The following VPS41 variants were observed in gnomAD, a reference collection of about 807,000 sequenced individuals.
VPS41 encodes vacuolar protein sorting-associated protein 41 homolog.
In VPS41, 85 loss-of-function variants were observed where a neutral mutation model predicts 130.9. The ratio of observed to expected loss-of-function variants is 0.65; its 90% CI spans 0.55 to 0.78. VPS41 has a LOEUF of 0.78. VPS41 is among the 30% of genes least tolerant of loss of function. The pLI, the probability that VPS41 is intolerant of heterozygous loss-of-function variation, is 0.00. For synonymous variants in VPS41, 335 were observed against 332.9 expected (o/e 1.01, Z -0.07); for missense variants, 874 against 1,018.7 (o/e 0.86, Z 1.93).
At chr7:38,756,796 T>A (rs1334063351) in intron 19 of VPS41, 42 bp downstream of exon 19, 2 of 1,339,350 alleles carry the variant, frequency 1.5e-6, no homozygotes, top group Non-Finnish European at 2.0e-6. Flanking sequence ...ATATTTGGAA[T>A]AGTAAAAATA....
At chr7:38,731,719 T>C (rs956091202) in intron 25 of VPS41, among the ~76,000 whole-genome samples, 11 of 152,184 alleles carry the variant, frequency 7.2e-5, no homozygotes, top group Non-Finnish European at 1.6e-4. Context: ...TGAGCACTGC[T>C]GCTCTTGATC....
At chr7:38,728,444 A>G (rs772733339) in intron 27 of VPS41, 98 bp downstream of exon 27, 1 of 1,293,620 alleles carries the variant, frequency 7.7e-7, no homozygotes, top group South Asian at 1.2e-5. Flanking sequence ...TCTGAAAGTT[A>G]TATAGTTTTA....
Position 38,725,088 on chromosome 7 carries a change from T to C in VPS41, c.*1158A>G, listed in dbSNP as rs939598969. On this transcript the variant is annotated 3_prime_UTR_variant, in exon 29 of 29. Coordinates refer to ENST00000310301, the MANE Select transcript of VPS41 (RefSeq NM_014396.4). The stretch of plus-strand genomic sequence containing the variant: ...GGCTGGGTGACTTCGGTAGCTGGCA[T>C]GCTGTCAGTACTCACTAGCACCCTG... 1 of 152,252 alleles carries C rather than the reference T, an allele frequency of 6.6e-6. No homozygotes were observed. Among genetic ancestry groups the C allele is most frequent in the African/African-American group, 2.4e-5 (1 of 41,458 alleles). The allele number at this position is 152,252 out of a possible 1,614,324, so 9.4% of individuals were successfully genotyped here. A position where few individuals can be genotyped will look rare whatever the true frequency, so the allele number is the denominator to read the frequency against.
chr7:38,791,630 T>C (rs747253819), intron 9 of VPS41, among the ~76,000 whole-genome samples: 36 of 152,054 alleles, frequency 2.4e-4, no homozygotes, highest in Non-Finnish European at 3.5e-4. Flanking sequence ...CACGGTGATA[T>C]GACAGCATAG....
intron 7 of VPS41, among the ~76,000 whole-genome samples, chr7:38,803,725 G>A (rs549680315): frequency 2.0e-5 from 3 of 152,324 alleles, no homozygotes; most frequent in Admixed American, 1.3e-4. Flanking sequence ...AGTGAGTGTG[G>A]AGAAGACCTA....
At chr7:38,788,480 A>AT (rs1370559665) in intron 10 of VPS41, among the ~76,000 whole-genome samples, 2 of 152,234 alleles carry the variant, frequency 1.3e-5, no homozygotes, top group Admixed American at 1.3e-4. Flanking sequence ...TACATGATCA[A>AT]TAAGTATCAG....
intron 10 of VPS41, among the ~76,000 whole-genome samples, chr7:38,784,645 G>T (rs529914528): frequency 2.3e-4 from 33 of 142,220 alleles, no homozygotes; most frequent in East Asian, 1.4e-3. Flanking sequence ...AAAGAAGGAG[G>T]GGGGGAGTTA....
intron 25 of VPS41, among the ~76,000 whole-genome samples, chr7:38,735,051 T>C (rs1795736906): frequency 1.3e-5 from 2 of 152,192 alleles, no homozygotes; most frequent in East Asian, 1.9e-4. Flanking sequence ...ATAAACACAA[T>C]TGTATTTAAA....
Position 38,898,116 on chromosome 7 carries a change from A to G in VPS41, c.35T>C (p.Leu12Pro). ...AEAEEQETGS[L>P]EESTDESEEE... is the part of the protein sequence containing the mutation. The stretch of plus-strand genomic sequence containing the variant: ...CTCAGACTCATCTGTAGATTCTTCA[A>G]GGGACCCAGTTTCCTATAAAGCATA... Residue 12 changes from leucine (L) to proline (P), a missense_variant, in exon 2 of 29, where the codon CTT (leucine) becomes CCT (proline). Leu to Pro is a moderately conservative substitution (Grantham distance 98). Transcript: ENST00000310301. 3 of 1,613,712 alleles carry G rather than the reference A, an allele frequency of 1.9e-6. No homozygotes were observed. Among genetic ancestry groups the G allele is most frequent in the South Asian group, 2.2e-5 (2 of 91,082 alleles).
intron 2 of VPS41, among the ~76,000 whole-genome samples, chr7:38,877,550 T>C (rs1786517293): frequency 6.6e-6 from 1 of 152,144 alleles, no homozygotes; most frequent in South Asian, 2.1e-4. Flanking sequence ...AAAAGGAAAA[T>C]GCTGAAGCTC....
At chr7:38,770,637 C>T (rs1237320671) in intron 14 of VPS41, among the ~76,000 whole-genome samples, 2 of 152,146 alleles carry the variant, frequency 1.3e-5, no homozygotes, top group East Asian at 3.9e-4. Context: ...AAAGGGAACT[C>T]GGCTAGATGG....
chr7:38,849,674 C>T (rs1336109467), intron 4 of VPS41, among the ~76,000 whole-genome samples: 1 of 152,176 alleles, frequency 6.6e-6, no homozygotes, highest in African/African-American at 2.4e-5. Context: ...CTCAACATCC[C>T]GCTTGTGTGT....
intron 4 of VPS41, among the ~76,000 whole-genome samples, chr7:38,831,634 ATGGCC>A (rs535335151): frequency 2.2e-3 from 328 of 152,350 alleles, no homozygotes; most frequent in Non-Finnish European, 3.5e-3. Flanking sequence ...TGAAAAGCTC[ATGGCC>A]TATCCTAATA....
At chr7:38,856,665 C>T (rs1785992282) in intron 4 of VPS41, among the ~76,000 whole-genome samples, 1 of 152,032 alleles carries the variant, frequency 6.6e-6, no homozygotes. Context: ...AACTATCCTC[C>T]AAGACGTTAA....
intron 27 of VPS41, among the ~76,000 whole-genome samples, chr7:38,727,619 C>A (rs958041782): frequency 1.3e-5 from 2 of 152,142 alleles, no homozygotes; most frequent in Non-Finnish European, 2.9e-5. Context: ...CACTTCTTCA[C>A]CTGAGCCCAT....
At chr7:38,755,053 A>G in intron 19 of VPS41, 117 bp from the exon 20 acceptor site, 2 of 866,966 alleles carry the variant, frequency 2.3e-6, no homozygotes, top group South Asian at 3.3e-5. Context: ...TTGTATACTT[A>G]AGGAGGCCCT....
intron 2 of VPS41, among the ~76,000 whole-genome samples, chr7:38,894,704 C>T (rs1304227853): frequency 6.6e-6 from 1 of 152,112 alleles, no homozygotes; most frequent in Non-Finnish European, 1.5e-5. Flanking sequence ...GAGGTAAGTG[C>T]TATGCCCAGG....
intron 4 of VPS41, among the ~76,000 whole-genome samples, chr7:38,844,932 C>T (rs966144699): frequency 3.9e-5 from 6 of 152,154 alleles, no homozygotes; most frequent in Admixed American, 6.5e-5. Context: ...CGCTGTTGCA[C>T]CCACCAGGAC....
chr7:38,877,325 C>CAG (rs1330555958), intron 2 of VPS41, among the ~76,000 whole-genome samples: 1 of 151,974 alleles, frequency 6.6e-6, no homozygotes, highest in Non-Finnish European at 1.5e-5. Context: ...TTCGCAGACA[C>CAG]AGAGAAGGAG....
Sources: gnomAD v4.1 joint callset for allele counts (sites outside exome capture counted in the v4.1 genomes callset) on GRCh38, gnomAD v4.1.1 for gene constraint, MANE v1.5 for transcripts, NCBI Gene and HGNC (gene_info 2026-07-23, HGNC 2026-07-21) for gene names.